The following CSRNP3 variants were observed in gnomAD, a reference collection of about 807,000 sequenced individuals.
CSRNP3 encodes the protein cysteine/serine-rich nuclear protein 3.
A neutral mutation model predicts 48.0 loss-of-function variants in CSRNP3; 12 were observed. The ratio of observed to expected loss-of-function variants is 0.25; its 90% confidence interval spans 0.16 to 0.41. The LOEUF (loss-of-function observed/expected upper bound fraction) is 0.41. Among genes scored for constraint, CSRNP3 ranks in the 10% least tolerant of loss-of-function variants. The pLI is 1.00. For missense variants in CSRNP3, 580 were observed against 724.4 expected (o/e 0.80, Z 2.29); for synonymous variants, 263 against 269.7 (o/e 0.98, Z 0.24).
intron 3 of CSRNP3, among the ~76,000 whole-genome samples, chr2:165,543,997 TTA>T (rs61375051): frequency 0.14 from 21,019 of 150,568 alleles, 2,067 homozygotes; most frequent in African/African-American, 0.28. Context: ...TTTGTATATT[TTA>T]TATATATATA....
At chr2:165,530,189 A>G (rs1684792675) in intron 3 of CSRNP3, among the ~76,000 whole-genome samples, 1 of 152,138 alleles carries the variant, frequency 6.6e-6, no homozygotes, top group Non-Finnish European at 1.5e-5. Context: ...CAAGCTCAGA[A>G]CTACAAAAGT....
At chr2:165,559,963 C>T (rs1685211050) in intron 3 of CSRNP3, among the ~76,000 whole-genome samples, 1 of 151,906 alleles carries the variant, frequency 6.6e-6, no homozygotes, top group Admixed American at 6.6e-5. Flanking sequence ...CCAAGCCCGA[C>T]TAATTTTTTG....
At chr2:165,583,308 AG>A (rs1234575936) in intron 3 of CSRNP3, among the ~76,000 whole-genome samples, 1 of 152,192 alleles carries the variant, frequency 6.6e-6, no homozygotes, top group East Asian at 1.9e-4. Context: ...TTGCTTACTC[AG>A]GGGTAATTGT....
chr2:165,586,847 C>T (rs1001397160), intron 3 of CSRNP3, among the ~76,000 whole-genome samples: 4 of 152,186 alleles, frequency 2.6e-5, no homozygotes, highest in African/African-American at 7.2e-5. Context: ...TTCAGCCATT[C>T]TTCCACAGGC....
intron 3 of CSRNP3, among the ~76,000 whole-genome samples, chr2:165,549,823 G>A (rs1685075684): frequency 6.6e-6 from 1 of 152,128 alleles, no homozygotes; most frequent in Non-Finnish European, 1.5e-5. Flanking sequence ...TCTATATGGT[G>A]CAGACAATGT....
intron 3 of CSRNP3, among the ~76,000 whole-genome samples, chr2:165,520,804 TATATATA>T (rs1370629458): frequency 1.7e-5 from 1 of 60,066 alleles, no homozygotes; most frequent in African/African-American, 7.3e-5. Flanking sequence ...TATATATATA[TATATATA>T]TATATATATA....
chr2:165,584,122 ATAT>A (rs1320571212), intron 3 of CSRNP3, among the ~76,000 whole-genome samples: 1 of 152,218 alleles, frequency 6.6e-6, no homozygotes, highest in African/African-American at 2.4e-5. Context: ...TCATGAATCA[ATAT>A]TATTATCTTT....
intron 1 of CSRNP3, among the ~76,000 whole-genome samples, chr2:165,492,724 T>A (rs1684232719): frequency 9.1e-6 from 1 of 110,178 alleles, no homozygotes; most frequent in Non-Finnish European, 1.8e-5. Flanking sequence ...ACTATTAGAG[T>A]AAAAAAAAAA....
At chr2:165,581,237 A>G (rs1574847223) in intron 3 of CSRNP3, among the ~76,000 whole-genome samples, 3 of 152,332 alleles carry the variant, frequency 2.0e-5, no homozygotes, top group South Asian at 2.1e-4. Flanking sequence ...GCCATCTTGT[A>G]TGAATACTAA....
intron 2 of CSRNP3, among the ~76,000 whole-genome samples, chr2:165,507,517 G>A (rs1399535215): frequency 2.6e-5 from 4 of 151,968 alleles, no homozygotes; most frequent in Admixed American, 2.0e-4. Context: ...TATCATAAAG[G>A]CATCTATTGT....
chr2:165,548,304 T>C (rs1685056465), intron 3 of CSRNP3, among the ~76,000 whole-genome samples: 1 of 152,086 alleles, frequency 6.6e-6, no homozygotes, highest in Admixed American at 6.5e-5. Context: ...CACTTACTAA[T>C]AGTAGGATCT....
chr2:165,576,218 C>T (rs6750367), intron 3 of CSRNP3, among the ~76,000 whole-genome samples: 119,868 of 151,222 alleles, frequency 0.79, 47,661 homozygotes, highest in Non-Finnish European at 0.82. Flanking sequence ...CACACACACA[C>T]ATATATATAT....
At chr2:165,608,093 T>C (rs1686062257) in intron 4 of CSRNP3, among the ~76,000 whole-genome samples, 1 of 150,838 alleles carries the variant, frequency 6.6e-6, no homozygotes, top group African/African-American at 2.4e-5. Context: ...TATATATATA[T>C]ACATAAGTTT....
intron 3 of CSRNP3, among the ~76,000 whole-genome samples, chr2:165,582,253 G>A (rs184638985): frequency 1.1e-4 from 16 of 152,266 alleles, no homozygotes; most frequent in South Asian, 8.3e-4. Context: ...TACAGAGAAC[G>A]GTTACAAAGC....
intron 3 of CSRNP3, chr2:165,574,145 C>A (rs1457679807): frequency 4.3e-5 from 21 of 490,876 alleles, no homozygotes; most frequent in Non-Finnish European, 7.2e-5. Flanking sequence ...CTGGCAGAAC[C>A]GCAGTTCCAC....
intron 5 of CSRNP3, among the ~76,000 whole-genome samples, chr2:165,672,344 C>T (rs1687344678): frequency 6.6e-6 from 1 of 152,156 alleles, no homozygotes; most frequent in Admixed American, 6.5e-5. Flanking sequence ...GTTTAATGGA[C>T]TCACAGTTCC....
At chr2:165,474,844 AT>A (rs1286566255) in intron 1 of CSRNP3, among the ~76,000 whole-genome samples, 2 of 152,146 alleles carry the variant, frequency 1.3e-5, no homozygotes, top group Non-Finnish European at 2.9e-5. Context: ...TGCCCCTGAT[AT>A]CCAGTGAGCC....
At position 165,568,944 on chromosome 2, in the gene CSRNP3, TA is replaced by T. The variant is rs1425360692; in HGVS notation, c.-23-26095del. 3.3e-5 allele frequency among the ~76,000 whole-genome samples: 5 copies of T among 152,170 alleles called. No homozygotes were observed. In the East Asian group the frequency reaches 9.6e-4, roughly 29 times the overall value. On this transcript the variant is annotated intron_variant, in intron 3 of 6. Transcript: ENST00000651982. ...TATTGAAAATAAATAAATGTATACA[TA>T]AAATACATATTCACACAATAAAATA...
At chr2:165,484,437 C>A (rs1307567676) in intron 1 of CSRNP3, among the ~76,000 whole-genome samples, 11 of 152,152 alleles carry the variant, frequency 7.2e-5, no homozygotes, top group Admixed American at 7.2e-4. Flanking sequence ...GTGAGCGGAT[C>A]TGGGAGTAGA....
Sources: gnomAD v4.1 joint callset for allele counts (sites outside exome capture counted in the v4.1 genomes callset) on GRCh38, gnomAD v4.1.1 for gene constraint, MANE v1.5 for transcripts, NCBI Gene and HGNC (gene_info 2026-07-23, HGNC 2026-07-21) for gene names.